The following XPO1 variants were observed in gnomAD, a reference collection of about 807,000 sequenced individuals.
XPO1 encodes exportin-1.
Under a neutral mutation model 133.3 loss-of-function variants are expected in XPO1, and 5 were observed. That is an observed-to-expected ratio of 0.04 (90% CI 0.02 to 0.08). XPO1 has a LOEUF of 0.08. XPO1 is among the 10% of genes least tolerant of loss of function. XPO1 has a pLI of 1.00. For synonymous variants in XPO1, 419 were observed against 408.2 expected (o/e 1.03, Z -0.32); for missense variants, 506 against 1,267.5 (o/e 0.40, Z 9.12).
intron 4 of XPO1, among the ~76,000 whole-genome samples, chr2:61,513,988 G>C (rs141188117): frequency 0.011 from 1,697 of 151,766 alleles, 27 homozygotes; most frequent in African/African-American, 0.038. Flanking sequence ...ATAGAGACCA[G>C]CGTGGCTAAC....
At chr2:61,522,740 C>G (rs2104752996) in intron 3 of XPO1, 57 bp from the exon 4 acceptor site, 1 of 1,265,632 alleles carries the variant, frequency 7.9e-7, no homozygotes, top group Non-Finnish European at 1.1e-6. Context: ...TGGCAACTCT[C>G]AGGATTCACA....
In XPO1 at chr2:61,478,108, C is replaced by T; in HGVS notation, c.*712G>A. 1 of 220,854 alleles carries T rather than the reference C, an allele frequency of 4.5e-6. No homozygotes were observed. The highest frequency in any genetic ancestry group is 9.1e-6 in the Non-Finnish European group (1 of 110,096). 13.7% of individuals were successfully genotyped at this position (220,854 alleles called of 1,614,324 possible). A position where few individuals can be genotyped will look rare whatever the true frequency, so the allele number is the denominator to read the frequency against. The stretch of plus-strand genomic sequence containing the variant: ...AGGATAAATATTTTTAACCATTTCA[C>T]TTCGAGTTAATGAAGGCTCACAAAT... On this transcript the variant is annotated 3_prime_UTR_variant, in exon 25 of 25. Coordinates refer to ENST00000401558, the MANE Select transcript of XPO1 (RefSeq NM_003400.4).
chr2:61,489,748 G>T (rs1406550261), intron 17 of XPO1, among the ~76,000 whole-genome samples: 1 of 151,734 alleles, frequency 6.6e-6, no homozygotes, highest in African/African-American at 2.4e-5. Flanking sequence ...TAGAGACAGG[G>T]TTTCACTGCG....
chr2:61,530,637 T>C (rs1380996511), intron 2 of XPO1, among the ~76,000 whole-genome samples: 3 of 151,916 alleles, frequency 2.0e-5, no homozygotes, highest in Non-Finnish European at 4.4e-5. Flanking sequence ...AATATCCTAC[T>C]ATACTAACCA....
At chr2:61,525,822 T>C (rs927799830) in intron 3 of XPO1, 8 of 1,040,088 alleles carry the variant, frequency 7.7e-6, no homozygotes, top group Non-Finnish European at 9.3e-6. Flanking sequence ...AGTGGAAACC[T>C]TTCGTGTATT....
chr2:61,528,738 TATATATATATA>T (rs1699024550), intron 2 of XPO1, among the ~76,000 whole-genome samples: 1 of 4,234 alleles, frequency 2.4e-4, no homozygotes, highest in African/African-American at 2.3e-3. Flanking sequence ...TTTATTTATA[TATATATATATA>T]TATATATATA....
chr2:61,481,945 C>T (rs902314273), intron 23 of XPO1, among the ~76,000 whole-genome samples: 3 of 150,528 alleles, frequency 2.0e-5, no homozygotes, highest in African/African-American at 7.3e-5. Context: ...CCATCTTGGC[C>T]AGGCTGGTCT....
At chr2:61,497,675 T>C (rs1363026282) in intron 9 of XPO1, among the ~76,000 whole-genome samples, 1 of 152,190 alleles carries the variant, frequency 6.6e-6, no homozygotes, top group Non-Finnish European at 1.5e-5. Context: ...TATCTAAGAG[T>C]AATAAGAATA....
chr2:61,493,192 C>A (rs1697076094), intron 12 of XPO1, 139 bp from the exon 13 acceptor site: 1 of 863,288 alleles, frequency 1.2e-6, no homozygotes, highest in Non-Finnish European at 1.7e-6. Context: ...ATAATTCCAA[C>A]TATTCCGGAG....
chr2:61,512,357 T>C (rs535040479), intron 4 of XPO1, among the ~76,000 whole-genome samples: 3 of 152,244 alleles, frequency 2.0e-5, no homozygotes, highest in South Asian at 4.1e-4. Flanking sequence ...AATTAGGAAA[T>C]AGGGTTTCTG....
chr2:61,483,259 C>A, intron 21 of XPO1, 168 bp from the exon 22 acceptor site: 1 of 636,332 alleles, frequency 1.6e-6, no homozygotes, highest in South Asian at 2.4e-5. Flanking sequence ...TGGAATACAA[C>A]TATATCCAAT....
intron 3 of XPO1, among the ~76,000 whole-genome samples, chr2:61,524,468 T>C (rs1380844940): frequency 6.6e-6 from 1 of 152,218 alleles, no homozygotes; most frequent in African/African-American, 2.4e-5. Context: ...TCATATTTCA[T>C]CTTTCTGCCA....
At chr2:61,500,470 T>G (rs547733662) in intron 6 of XPO1, among the ~76,000 whole-genome samples, 27 of 148,722 alleles carry the variant, frequency 1.8e-4, no homozygotes, top group Admixed American at 2.7e-4. Context: ...TCCCAGCTGC[T>G]CGGGAGGCTG....
chr2:61,529,221 ATACTT>A (rs1349580968), intron 2 of XPO1, among the ~76,000 whole-genome samples: 4 of 152,224 alleles, frequency 2.6e-5, no homozygotes, highest in South Asian at 2.1e-4. Flanking sequence ...TCTTTCTCTT[ATACTT>A]TACTTTATCA....
intron 4 of XPO1, among the ~76,000 whole-genome samples, chr2:61,515,083 A>AAG (rs1364613907): frequency 6.6e-6 from 1 of 151,550 alleles, no homozygotes; most frequent in Non-Finnish European, 1.5e-5. Context: ...AAAAAAAAAA[A>AAG]AAAAATCCAC....
chr2:61,501,439 C>A (rs776397968), intron 6 of XPO1, among the ~76,000 whole-genome samples: 1 of 151,834 alleles, frequency 6.6e-6, no homozygotes, highest in African/African-American at 2.4e-5. Context: ...AAAAACAATC[C>A]GGCCAGGTGC....
In XPO1 at chr2:61,498,641, G is replaced by A. The variant is rs556853160; in HGVS notation, c.759+32C>T. The A allele has an allele frequency of 6.1e-5, 98 of 1,609,200 alleles. No homozygotes were observed. In the East Asian group the frequency reaches 7.6e-4, roughly 12 times the overall value. The stretch of plus-strand genomic sequence containing the variant: ...GTGAAAAGAATATATGTGGCTATCC[G>A]GTGACAAATAACTGAAATGTATTCA... On this transcript the variant is annotated intron_variant, in intron 9 of 24. Coordinates refer to ENST00000401558, the MANE Select transcript of XPO1 (RefSeq NM_003400.4).
At chr2:61,528,879 G>C (rs1699034545) in intron 2 of XPO1, among the ~76,000 whole-genome samples, 1 of 150,466 alleles carries the variant, frequency 6.6e-6, no homozygotes, top group Non-Finnish European at 1.5e-5. Flanking sequence ...TTTCACTTTT[G>C]TATCTTTAAA....
intron 21 of XPO1, chr2:61,483,558 A>C (rs1235526235): frequency 5.4e-6 from 1 of 184,752 alleles, no homozygotes; most frequent in Admixed American, 6.2e-5. Flanking sequence ...TGAAATAAAA[A>C]AAGAACCTCA....
Sources: gnomAD v4.1 joint callset for allele counts (sites outside exome capture counted in the v4.1 genomes callset) on GRCh38, gnomAD v4.1.1 for gene constraint, MANE v1.5 for transcripts, NCBI Gene and HGNC (gene_info 2026-07-23, HGNC 2026-07-21) for gene names.